The following CNPY1 variants were observed in gnomAD, a reference collection of about 807,000 sequenced individuals.
The protein encoded by CNPY1 is protein canopy homolog 1.
Under a neutral mutation model 14.4 loss-of-function variants are expected in CNPY1, and 14 were observed. The ratio of observed to expected loss-of-function variants is 0.97; its 90% CI spans 0.64 to 1.52. The LOEUF is 1.52. Among genes scored for constraint, CNPY1 ranks in the 40% most tolerant of loss-of-function variants. CNPY1 has a pLI of 0.00. For synonymous variants in CNPY1, 43 were observed against 46.5 expected, an observed-to-expected ratio of 0.92 and a Z score of 0.31; for missense variants, 129 against 131.5, an observed-to-expected ratio of 0.98 and a Z score of 0.09.
intron 2 of CNPY1, among the ~76,000 whole-genome samples, chr7:155,515,548 C>T (rs1346347434): frequency 6.6e-6 from 1 of 152,144 alleles, no homozygotes; most frequent in Non-Finnish European, 1.5e-5. Flanking sequence ...CCGACATGAC[C>T]CCCTGATGTC....
At chr7:155,515,620 T>C (rs1025358842) in intron 2 of CNPY1, among the ~76,000 whole-genome samples, 1 of 150,806 alleles carries the variant, frequency 6.6e-6, no homozygotes, top group Non-Finnish European at 1.5e-5. Flanking sequence ...GGGAGTCGAC[T>C]GGGGGAAACG....
intron 2 of CNPY1, among the ~76,000 whole-genome samples, chr7:155,520,181 G>A (rs933577661): frequency 6.6e-6 from 1 of 152,184 alleles, no homozygotes; most frequent in East Asian, 1.9e-4. Flanking sequence ...AAATCACACT[G>A]TGAATTTCTG....
intron 2 of CNPY1, among the ~76,000 whole-genome samples, chr7:155,531,178 G>A (rs938969509): frequency 6.6e-6 from 1 of 152,260 alleles, no homozygotes; most frequent in South Asian, 2.1e-4. Context: ...CGTGCCCTGC[G>A]TCCTCAGGCC....
chr7:155,514,170 G>A (rs972325359), intron 2 of CNPY1, among the ~76,000 whole-genome samples: 5 of 152,212 alleles, frequency 3.3e-5, no homozygotes, highest in African/African-American at 1.2e-4. Context: ...ATGCGAATGT[G>A]TTCATTCATT....
intron 2 of CNPY1, among the ~76,000 whole-genome samples, chr7:155,524,025 C>T (rs1651171927): frequency 6.6e-6 from 1 of 152,176 alleles, no homozygotes; most frequent in Non-Finnish European, 1.5e-5. Flanking sequence ...TCCCTCTGAG[C>T]CCCCAAGAAA....
Position 155,509,002 on chromosome 7 carries a change from C to A in CNPY1, c.195G>T (p.Thr65=). The stretch of plus-strand genomic sequence containing the variant: ...CGAATCTCTTGAAAGTTCTCTCCTT[C>A]GTCACAGGGTCTTCCTCAAGCTTGT... ...NDYKLEEDPV[T]KERTFKRFAP... Residue 65 remains threonine, a synonymous_variant, in exon 3 of 5, where the codon ACG becomes ACT. Coordinates refer to ENST00000636446, the MANE Select transcript of CNPY1 (RefSeq NM_001393663.1). 1 of 1,613,868 alleles carries A rather than the reference C, an allele frequency of 6.2e-7. No individual in the cohort carries two copies. The highest frequency in any genetic ancestry group is 1.3e-5 in the African/African-American group (1 of 75,026).
chr7:155,501,811 A>G lies in CNPY1; in HGVS notation c.*1257T>C, dbSNP rs981887332. The G allele has an allele frequency of 1.3e-5, 2 of 152,252 alleles. No homozygotes were observed. Among genetic ancestry groups the G allele is most frequent in the Non-Finnish European group, 2.9e-5 (2 of 68,044 alleles). The allele number at this position is 152,252 out of a possible 1,614,324, so 9.4% of individuals were successfully genotyped here. On this transcript the variant is annotated 3_prime_UTR_variant, in exon 5 of 5. Coordinates refer to ENST00000636446, the MANE Select transcript of CNPY1 (RefSeq NM_001393663.1). The stretch of plus-strand genomic sequence containing the variant: ...AGAAGCACCCAAGTAATTAAGTGAC[A>G]TTAACTCACTAACTTTTAATCAGAG...
intron 2 of CNPY1, among the ~76,000 whole-genome samples, chr7:155,524,998 A>G (rs186251555): frequency 8.1e-4 from 124 of 152,218 alleles, no homozygotes; most frequent in African/African-American, 2.7e-3. Context: ...TATTTATGAA[A>G]TGGAACACAC....
At chr7:155,528,798 C>T (rs1353002784) in intron 2 of CNPY1, among the ~76,000 whole-genome samples, 2 of 152,196 alleles carry the variant, frequency 1.3e-5, no homozygotes, top group East Asian at 1.9e-4. Context: ...CGGTGGCTCA[C>T]ACCTGTAATC....
chr7:155,518,785 C>T (rs1308200588), intron 2 of CNPY1, among the ~76,000 whole-genome samples: 3 of 152,126 alleles, frequency 2.0e-5, no homozygotes, highest in African/African-American at 4.8e-5. Context: ...GAGTGGTGTC[C>T]GGGGTCTCAC....
chr7:155,544,370 G>C (rs554577180), intron 2 of CNPY1, among the ~76,000 whole-genome samples: 32 of 152,334 alleles, frequency 2.1e-4, no homozygotes, highest in African/African-American at 7.7e-4. Context: ...CCTTCCTCAG[G>C]GCTCTGCGGT....
In CNPY1 at chr7:155,543,900, C is replaced by T. The variant is rs545343165; in HGVS notation, c.99+1931G>A. Among the ~76,000 whole-genome samples, 135 of 152,312 alleles carry T rather than the reference C, an allele frequency of 8.9e-4. 1 individual carries two copies. Among genetic ancestry groups the T allele is most frequent in the African/African-American group, 3.0e-3 (125 of 41,556 alleles). On this transcript the variant is annotated intron_variant, in intron 2 of 4. Transcript: ENST00000636446. ...CCTTAGGCACACTGGTGAATGTAGCCGTCTAGCTGCTTTCAGTTGCTTTGC... is the reference window on the plus strand; with the variant it reads ...CCTTAGGCACACTGGTGAATGTAGCTGTCTAGCTGCTTTCAGTTGCTTTGC...
intron 2 of CNPY1, among the ~76,000 whole-genome samples, chr7:155,539,496 C>A (rs1797060200): frequency 6.6e-6 from 1 of 152,190 alleles, no homozygotes; most frequent in Non-Finnish European, 1.5e-5. Context: ...ATAGAATAGC[C>A]AGCCCTCTCA....
intron 2 of CNPY1, among the ~76,000 whole-genome samples, chr7:155,523,045 C>T (rs867807424): frequency 6.6e-6 from 1 of 152,138 alleles, no homozygotes; most frequent in African/African-American, 2.4e-5. Flanking sequence ...CATTCTTTAC[C>T]CGATTTGTGG....
intron 2 of CNPY1, among the ~76,000 whole-genome samples, chr7:155,532,803 T>C (rs549506094): frequency 3.6e-4 from 55 of 152,234 alleles, no homozygotes; most frequent in African/African-American, 1.2e-3. Flanking sequence ...AAAAACTGCC[T>C]CGCTCATGGA....
chr7:155,527,083 G>A (rs1183935732), intron 2 of CNPY1, among the ~76,000 whole-genome samples: 1 of 16,294 alleles, frequency 6.1e-5, no homozygotes, highest in Non-Finnish European at 1.2e-4. Context: ...AGACAGTCTT[G>A]CTCTGTTGCC....
At chr7:155,508,577 T>C (rs991630752) in intron 3 of CNPY1, among the ~76,000 whole-genome samples, 4 of 152,170 alleles carry the variant, frequency 2.6e-5, no homozygotes, top group African/African-American at 9.7e-5. Flanking sequence ...AGCAAAATGG[T>C]TTAAGCAAAA....
chr7:155,530,215 A>G (rs1301911147), intron 2 of CNPY1, among the ~76,000 whole-genome samples: 1 of 151,478 alleles, frequency 6.6e-6, no homozygotes, highest in African/African-American at 2.4e-5. Flanking sequence ...CTCTCTCCAC[A>G]TCGGCCCTAA....
intron 2 of CNPY1, among the ~76,000 whole-genome samples, chr7:155,531,113 C>G (rs1283345158): frequency 6.6e-6 from 1 of 152,194 alleles, no homozygotes; most frequent in African/African-American, 2.4e-5. Flanking sequence ...ATAAACTGAG[C>G]ACAGAACCAA....
Sources: allele counts gnomAD v4.1 joint callset (sites outside exome capture counted in the v4.1 genomes callset), GRCh38; gene constraint gnomAD v4.1.1; transcripts MANE v1.5; gene names NCBI Gene and HGNC (gene_info 2026-07-23, HGNC 2026-07-21).